The following TIAM2 variants were observed in gnomAD, a reference collection of about 807,000 sequenced individuals.
TIAM2 encodes rho guanine nucleotide exchange factor TIAM2.
In TIAM2, 80 loss-of-function variants were observed where a neutral mutation model predicts 152.9. The observed-to-expected ratio is 0.52, with a 90% confidence interval of 0.44 to 0.63. The LOEUF (loss-of-function observed/expected upper bound fraction) is 0.63. Ranked by LOEUF, TIAM2 falls within the 30% of genes least tolerant of loss-of-function variation. The pLI is 0.00. For synonymous variants in TIAM2, 804 were observed against 838.0 expected (o/e 0.96, Z 0.70); for missense variants, 1,965 against 2,120.1 (o/e 0.93, Z 1.44).
chr6:155,094,732 T>G lies in TIAM2; in HGVS notation c.-118+4353T>G, dbSNP rs1203731971. Among the ~76,000 whole-genome samples the G allele has an allele frequency of 6.4e-5, 9 of 140,010 alleles. No individual in the cohort carries two copies. The East Asian group carries it at 9.9e-4, about 15-fold the overall frequency. 91.9% of individuals were successfully genotyped at this position (140,010 alleles called of 152,430 possible). A position where few individuals can be genotyped will look rare whatever the true frequency, so the allele number is the denominator to read the frequency against. On this transcript the variant is annotated intron_variant, in intron 2 of 26. Coordinates refer to ENST00000682666, the MANE Select transcript of TIAM2 (RefSeq NM_012454.4). ...ACCTGGCTATATCTATGGTTTTTTT[T>G]TTTTTGTTTTTTTGTTTTTTTGTTT...
At chr6:155,153,382 G>A (rs564018688) in intron 7 of TIAM2, among the ~76,000 whole-genome samples, 1 of 152,012 alleles carries the variant, frequency 6.6e-6, no homozygotes, top group Non-Finnish European at 1.5e-5. Flanking sequence ...TGAGGCTGGA[G>A]GTTCATTTGA....
rs952985346 is a variant in TIAM2 at position 155,124,897 on chromosome 6, G to A, written c.-117-2593G>A. 1.2e-4 allele frequency among the ~76,000 whole-genome samples: 18 copies of A among 151,476 alleles called. No individual in the cohort carries two copies. In the South Asian group the frequency reaches 2.9e-3, roughly 25 times the overall value. ...TTTTTAATTTAAAATGTATCTGCGTGGATAGACTCAGGCAGGAGATTTGTC... is the reference window on the plus strand; with the variant it reads ...TTTTTAATTTAAAATGTATCTGCGTAGATAGACTCAGGCAGGAGATTTGTC... On this transcript the variant is annotated intron_variant, in intron 2 of 26. Transcript: ENST00000682666.
chr6:155,148,463 A>T, intron 7 of TIAM2, 129 bp downstream of exon 7: 1 of 932,572 alleles, frequency 1.1e-6, no homozygotes, highest in Non-Finnish European at 1.6e-6. Flanking sequence ...CCCTGGGGGA[A>T]ATAATTTCTG....
At chr6:155,025,985 G>A (rs1473416377) in intron 1 of TIAM2, among the ~76,000 whole-genome samples, 3 of 151,884 alleles carry the variant, frequency 2.0e-5, no homozygotes, top group African/African-American at 4.8e-5. Context: ...TGGAACACCC[G>A]CTAGTCTACA....
intron 14 of TIAM2, among the ~76,000 whole-genome samples, chr6:155,184,333 T>C (rs74720004): frequency 0.012 from 1,890 of 152,310 alleles, 52 homozygotes; most frequent in African/African-American, 0.043. Flanking sequence ...TTTAAAACTT[T>C]GTGAAGGCCT....
intron 1 of TIAM2, among the ~76,000 whole-genome samples, chr6:155,066,533 A>G (rs1011102470): frequency 1.3e-5 from 2 of 152,054 alleles, no homozygotes; most frequent in African/African-American, 2.4e-5. Flanking sequence ...TGGTGGATGG[A>G]CTTCAACAAT....
intron 6 of TIAM2, among the ~76,000 whole-genome samples, chr6:155,146,396 A>G (rs965236047): frequency 2.1e-4 from 32 of 152,070 alleles, no homozygotes. Context: ...CAACAACAAC[A>G]GAATTTTCCC....
intron 15 of TIAM2, among the ~76,000 whole-genome samples, chr6:155,219,716 A>G (rs1781976605): frequency 6.6e-6 from 1 of 152,036 alleles, no homozygotes; most frequent in Non-Finnish European, 1.5e-5. Flanking sequence ...TGTCAGGCAG[A>G]TGCCAACCCC....
At chr6:155,183,985 A>C (rs1179335788) in intron 14 of TIAM2, among the ~76,000 whole-genome samples, 1 of 151,838 alleles carries the variant, frequency 6.6e-6, no homozygotes, top group East Asian at 1.9e-4. Flanking sequence ...TTTAAAATTT[A>C]TTTTTATTTT....
intron 9 of TIAM2, among the ~76,000 whole-genome samples, 154 bp from the exon 10 acceptor site, chr6:155,176,662 C>T (rs1484193901): frequency 4.6e-5 from 7 of 152,210 alleles, no homozygotes; most frequent in Admixed American, 2.0e-4. Flanking sequence ...AGTGAGGAAA[C>T]GTTGTCAGCC....
chr6:155,244,683 C>T lies in TIAM2; in HGVS notation c.3443C>T (p.Pro1148Leu). The change falls in exon 18 of 27, where the codon CCA becomes CTA. Residue 1148 changes from proline to leucine, a missense_variant. Pro to Leu is a moderately conservative substitution (Grantham distance 98). Coordinates refer to ENST00000682666, the MANE Select transcript of TIAM2 (RefSeq NM_012454.4). ...ATGGAGTCACTTTTTGGAAGTTTGC[C>T]AGAGATGCTTGAGTTTCAGAAGGTG... ...DEMESLFGSL[P>L]EMLEFQKVFL... 6.2e-7 allele frequency: 1 copy of T among 1,613,958 alleles called. No individual in the cohort carries two copies. Among genetic ancestry groups the T allele is most frequent in the East Asian group, 2.2e-5 (1 of 44,872 alleles).
chr6:155,140,210 A>G (rs1204927062), intron 5 of TIAM2, among the ~76,000 whole-genome samples: 1 of 152,140 alleles, frequency 6.6e-6, no homozygotes, highest in African/African-American at 2.4e-5. Context: ...TTGTGGGCAC[A>G]ATATTGCAGG....
At chr6:155,013,047 C>T (rs1778514883) in intron 1 of TIAM2, among the ~76,000 whole-genome samples, 6 of 152,062 alleles carry the variant, frequency 3.9e-5, no homozygotes, top group Admixed American at 3.9e-4. Context: ...TATGCTCGGG[C>T]TTCTGAGCGT....
chr6:155,067,747 C>G (rs1344806221), intron 1 of TIAM2, among the ~76,000 whole-genome samples: 1 of 151,988 alleles, frequency 6.6e-6, no homozygotes, highest in South Asian at 2.1e-4. Flanking sequence ...CTCAGGTGGT[C>G]CTCCCACCTC....
chr6:155,230,396 C>T (rs1782419904), intron 15 of TIAM2, among the ~76,000 whole-genome samples: 1 of 152,208 alleles, frequency 6.6e-6, no homozygotes, highest in Admixed American at 6.5e-5. Flanking sequence ...TGACTTTAAC[C>T]CTGGCTCCAG....
chr6:155,076,526 G>T (rs1362071284), intron 1 of TIAM2, among the ~76,000 whole-genome samples: 1 of 152,154 alleles, frequency 6.6e-6, no homozygotes, highest in East Asian at 1.9e-4. Context: ...CCTAGTAATT[G>T]TAATTTGATG....
At chr6:155,080,871 C>A (rs969967595) in intron 1 of TIAM2, among the ~76,000 whole-genome samples, 1 of 152,114 alleles carries the variant, frequency 6.6e-6, no homozygotes, top group African/African-American at 2.4e-5. Context: ...TTGGGATGAA[C>A]CTGTGAGATA....
Position 155,248,070 on chromosome 6 carries a change from G to A in TIAM2, c.3723G>A (p.Leu1241=). Residue 1241 remains leucine, a synonymous_variant, in exon 20 of 27, where the codon CTG becomes CTA. Coordinates refer to ENST00000682666, the MANE Select transcript of TIAM2 (RefSeq NM_012454.4). ...RNPTKQHSST[L]ESYLIKPVQR... ...CCACCAAGCAGCATTCCTCCACGCT[G>A]GAGTCCTACCTCATCAAGCCGGTTC... 2 of 1,614,220 alleles carry A rather than the reference G, an allele frequency of 1.2e-6. No homozygotes were observed. The highest frequency in any genetic ancestry group is 1.7e-6 in the Non-Finnish European group (2 of 1,180,036).
chr6:155,173,736 TCTC>T (rs1222762657), intron 9 of TIAM2, among the ~76,000 whole-genome samples: 2 of 152,186 alleles, frequency 1.3e-5, no homozygotes, highest in East Asian at 1.9e-4. Flanking sequence ...GTATTCATCT[TCTC>T]CTGGTGCGGG....
Sources: gnomAD v4.1 joint callset for allele counts (sites outside exome capture counted in the v4.1 genomes callset) on GRCh38, gnomAD v4.1.1 for gene constraint, MANE v1.5 for transcripts, NCBI Gene and HGNC (gene_info 2026-07-23, HGNC 2026-07-21) for gene names.